TMEM67: variants seen among roughly 807,000 people sequenced by gnomAD.
TMEM67 encodes the protein transmembrane protein 67, also known as meckelin.
In TMEM67, 124 loss-of-function variants were observed where a neutral mutation model predicts 136.6. That is an observed-to-expected ratio of 0.91 (90% confidence interval 0.78 to 1.05). The LOEUF is 1.05. TMEM67 is among the 50% of genes least tolerant of loss of function. The pLI is 0.00. For synonymous variants in TMEM67, 364 were observed against 390.5 expected (o/e 0.93, Z 0.80); for missense variants, 1,107 against 1,178.4 (o/e 0.94, Z 0.89).
chr8:93,816,488 C>T lies in TMEM67; in HGVS notation c.*36C>T, dbSNP rs780845308. The T allele has an allele frequency of 3.1e-5, 38 of 1,218,414 alleles. No individual in the cohort carries two copies. The highest frequency in any genetic ancestry group is 4.5e-5 in the Non-Finnish European group (37 of 830,724). The allele number at this position is 1,218,414 out of a possible 1,614,324, so 75.5% of individuals were successfully genotyped here. Reference sequence around the variant, plus strand: ...AAATAACTTAAAGACTCAGTATAATCATGGCCAAAAAAAAGTCATGATATC... The same window carrying T: ...AAATAACTTAAAGACTCAGTATAATTATGGCCAAAAAAAAGTCATGATATC... On this transcript the variant is annotated 3_prime_UTR_variant, in exon 28 of 28. Transcript: ENST00000453321.
intron 2 of TMEM67, among the ~76,000 whole-genome samples, chr8:93,757,855 G>T (rs577940811): frequency 5.3e-5 from 8 of 151,094 alleles, no homozygotes; most frequent in Non-Finnish European, 1.0e-4. Flanking sequence ...CCACCTTTCT[G>T]GTTCAAGCCA....
chr8:93,797,385 T>C lies in TMEM67; in HGVS notation c.2015T>C (p.Phe672Ser). Residue 672 changes from phenylalanine to serine, a missense_variant, in exon 20 of 28, where the codon TTT becomes TCT. Physicochemically the swap from Phe to Ser is radical, Grantham distance 155 (BLOSUM62 -2). Transcript: ENST00000453321. ...CCTGTAAGCATATGGAGAACATATTTTGTAGCAAATGAATGGAATGAAATT... is the reference window on the plus strand; with the variant it reads ...CCTGTAAGCATATGGAGAACATATTCTGTAGCAAATGAATGGAATGAAATT... ...TVPVSIWRTYFVANEWNEIQT... is the reference protein window; with the variant it reads ...TVPVSIWRTYSVANEWNEIQT... 1 of 1,614,080 alleles carries C rather than the reference T, an allele frequency of 6.2e-7. No homozygotes were observed. Among genetic ancestry groups the C allele is most frequent in the Non-Finnish European group, 8.5e-7 (1 of 1,179,940 alleles).
intron 23 of TMEM67, among the ~76,000 whole-genome samples, chr8:93,806,602 G>C (rs1554558781): frequency 6.6e-6 from 1 of 152,006 alleles, no homozygotes; most frequent in Non-Finnish European, 1.5e-5. Flanking sequence ...TGCTTAAGTG[G>C]AAAAAACAAG....
chr8:93,761,910 G>T (rs1812855539), intron 3 of TMEM67: 1 of 152,214 alleles, frequency 6.6e-6, no homozygotes, highest in Admixed American at 6.5e-5. Context: ...TGCCTCCTGA[G>T]TGAAGAACTG....
At chr8:93,766,122 T>A (rs1432793219) in intron 6 of TMEM67, among the ~76,000 whole-genome samples, 2 of 152,140 alleles carry the variant, frequency 1.3e-5, no homozygotes, top group Non-Finnish European at 2.9e-5. Flanking sequence ...TTTCCTTTTT[T>A]TTTTATTTTA....
At chr8:93,788,919 C>G (rs1317161359) in intron 14 of TMEM67, among the ~76,000 whole-genome samples, 1 of 152,162 alleles carries the variant, frequency 6.6e-6, no homozygotes, top group East Asian at 1.9e-4. Context: ...TGCTCAGTTC[C>G]TCTTCTCAAC....
chr8:93,807,093 C>T (rs1490651313), intron 23 of TMEM67, among the ~76,000 whole-genome samples: 3 of 151,846 alleles, frequency 2.0e-5, no homozygotes, highest in Non-Finnish European at 4.4e-5. Flanking sequence ...ATGATTTTCC[C>T]CTCTTCAAAT....
At chr8:93,784,467 T>G (rs1814003464) in intron 11 of TMEM67, among the ~76,000 whole-genome samples, 1 of 152,238 alleles carries the variant, frequency 6.6e-6, no homozygotes, top group Non-Finnish European at 1.5e-5. Context: ...TTTATTTCTT[T>G]GAACCTGGCT....
intron 26 of TMEM67, among the ~76,000 whole-genome samples, chr8:93,812,046 G>A (rs1808723020): frequency 6.6e-6 from 1 of 151,916 alleles, no homozygotes; most frequent in Admixed American, 6.6e-5. Flanking sequence ...CTACTTGGGA[G>A]GCTGAGGCAG....
rs748221725 is a variant in TMEM67 at position 93,754,957 on chromosome 8, T to A, written c.43T>A (p.Ser15Thr). The A allele has an allele frequency of 1.1e-5, 18 of 1,614,074 alleles. No individual in the cohort carries two copies. The Admixed American group carries it at 3.0e-4, about 27-fold the overall frequency. The part of the protein sequence containing the change: ...GGAGVAMAVW[S>T]LLSARAVTAF... ...GGCTGGGGTGGCAATGGCGGTTTGG[T>A]CCCTCTTATCCGCCCGGGCCGTGAC... The change falls in exon 1 of 28, where the codon TCC becomes ACC. Residue 15 changes from serine to threonine, a missense_variant. Coordinates refer to ENST00000453321, the MANE Select transcript of TMEM67 (RefSeq NM_153704.6).
At chr8:93,777,187 C>A (rs1020185482) in intron 7 of TMEM67, among the ~76,000 whole-genome samples, 1 of 152,124 alleles carries the variant, frequency 6.6e-6, no homozygotes, top group Non-Finnish European at 1.5e-5. Context: ...TCTGTGGGAT[C>A]GGTGGTGATA....
chr8:93,816,258 T>C, intron 27 of TMEM67, 114 bp from the exon 28 acceptor site: 1 of 538,218 alleles, frequency 1.9e-6, no homozygotes, highest in East Asian at 2.9e-5. Context: ...TTCAGATACC[T>C]GATACATGAA....
At chr8:93,825,470 T>C in the TMEM67 span, among the ~76,000 whole-genome samples, 1 of 152,200 alleles carries the variant, frequency 6.6e-6, no homozygotes, top group Non-Finnish European at 1.5e-5. Context: ...TTTCTGAACA[T>C]GTCTGGGTCT....
the TMEM67 span, among the ~76,000 whole-genome samples, chr8:93,825,265 GAGA>G: frequency 1.3e-5 from 2 of 152,216 alleles, no homozygotes; most frequent in African/African-American, 4.8e-5. Flanking sequence ...CGACATTCCA[GAGA>G]AGGAGAGCTG....
rs1256223543 is a variant in TMEM67 at position 93,792,469 on chromosome 8, C to T, written c.1576-729C>T. Reference sequence around the variant, plus strand: ...GATTACAGGCGTGAGCCACGGTGCCCGGCCCTCTAATTTTATTAAATAGCA... The same window carrying T: ...GATTACAGGCGTGAGCCACGGTGCCTGGCCCTCTAATTTTATTAAATAGCA... On this transcript the variant is annotated intron_variant, in intron 15 of 27. Coordinates refer to ENST00000453321, the MANE Select transcript of TMEM67 (RefSeq NM_153704.6). Among the ~76,000 whole-genome samples, 5 of 152,240 alleles carry T rather than the reference C, an allele frequency of 3.3e-5. No homozygotes were observed. In the East Asian group the frequency reaches 5.8e-4, roughly 18 times the overall value.
At chr8:93,755,483 C>A (rs1011493230) in intron 1 of TMEM67, among the ~76,000 whole-genome samples, 1 of 152,184 alleles carries the variant, frequency 6.6e-6, no homozygotes, top group South Asian at 2.1e-4. Flanking sequence ...TGTACTCATA[C>A]TAACCCTGTG....
In TMEM67 at chr8:93,799,705, A is replaced by G. The variant is rs776427277; in HGVS notation, c.2188A>G (p.Ile730Val). Reference sequence around the variant, plus strand: ...TAGCTACATAGCTCCTTATAGCTGCATTTTGAGATATGCAGTGTCTGCTGC... The same window carrying G: ...TAGCTACATAGCTCCTTATAGCTGCGTTTTGAGATATGCAGTGTCTGCTGC... ...PPSYIAPYSC[I>V]LRYAVSAALW... The change falls in exon 21 of 28, where the codon ATT becomes GTT. Residue 730 changes from isoleucine (I) to valine (V), a missense_variant. Transcript: ENST00000453321. 3 of 1,613,632 alleles carry G rather than the reference A, an allele frequency of 1.9e-6. No individual in the cohort carries two copies. The African/African-American group carries it at 4.0e-5, about 22-fold the overall frequency.
chr8:93,808,162 C>T (rs1392269733), intron 23 of TMEM67, among the ~76,000 whole-genome samples: 1 of 149,588 alleles, frequency 6.7e-6, no homozygotes, highest in African/African-American at 2.4e-5. Context: ...ATATATATGT[C>T]TTTATATCAT....
intron 16 of TMEM67, among the ~76,000 whole-genome samples, chr8:93,794,323 C>A (rs1268938960): frequency 6.6e-6 from 1 of 152,126 alleles, no homozygotes; most frequent in Non-Finnish European, 1.5e-5. Context: ...ATTCTATTAA[C>A]TTTATACTTT....
Sources: allele counts gnomAD v4.1 joint callset (sites outside exome capture counted in the v4.1 genomes callset), GRCh38; gene constraint gnomAD v4.1.1; transcripts MANE v1.5; gene names NCBI Gene and HGNC (gene_info 2026-07-23, HGNC 2026-07-21).